Variants in SLMAP observed in about 807,000 individuals in gnomAD.
The protein encoded by SLMAP is sarcolemmal membrane-associated protein.
In SLMAP, 44 loss-of-function variants were observed where a neutral mutation model predicts 128.8. The ratio of observed to expected loss-of-function variants is 0.34; its 90% CI spans 0.27 to 0.44. SLMAP has a LOEUF of 0.44. Ranked by LOEUF, SLMAP falls within the 20% of genes least tolerant of loss-of-function variation. The pLI, the probability that SLMAP is intolerant of heterozygous loss-of-function variation, is 1.00. For synonymous variants in SLMAP, 327 were observed against 348.8 expected, an observed-to-expected ratio of 0.94 and a Z score of 0.70; for missense variants, 787 against 985.3, an observed-to-expected ratio of 0.80 and a Z score of 2.69.
chr3:57,907,584 T>C (rs1324610282), intron 17 of SLMAP, among the ~76,000 whole-genome samples: 1 of 152,220 alleles, frequency 6.6e-6, no homozygotes, highest in Non-Finnish European at 1.5e-5. Context: ...TTTCAAGTCT[T>C]AATAAGCAAT....
At chr3:57,810,342 T>G (rs1364586537) in intron 2 of SLMAP, among the ~76,000 whole-genome samples, 5 of 152,138 alleles carry the variant, frequency 3.3e-5, no homozygotes, top group African/African-American at 1.2e-4. Context: ...GCTGGTAGCA[T>G]GAACCGAGTG....
intron 2 of SLMAP, among the ~76,000 whole-genome samples, chr3:57,769,932 A>C (rs2080486105): frequency 6.6e-6 from 1 of 152,132 alleles, no homozygotes; most frequent in African/African-American, 2.4e-5. Context: ...AGAAATGGTT[A>C]AGATATAGTT....
intron 14 of SLMAP, among the ~76,000 whole-genome samples, chr3:57,877,661 C>T (rs2095634036): frequency 6.6e-6 from 1 of 151,824 alleles, no homozygotes; most frequent in Admixed American, 6.6e-5. Context: ...AACATATCTA[C>T]CAGATTTTCT....
chr3:57,843,720 C>T (rs199852959), intron 4 of SLMAP, among the ~76,000 whole-genome samples: 16 of 129,784 alleles, frequency 1.2e-4, no homozygotes, highest in African/African-American at 2.6e-4. Context: ...TTCTTTCTTT[C>T]TTTTTCTTTC....
chr3:57,892,802 A>G (rs549530335), intron 15 of SLMAP, among the ~76,000 whole-genome samples: 84 of 146,786 alleles, frequency 5.7e-4, no homozygotes, highest in Middle Eastern at 7.1e-3. Flanking sequence ...ACACACACAC[A>G]CACACACATA....
intron 2 of SLMAP, among the ~76,000 whole-genome samples, chr3:57,828,966 A>G (rs2093133633): frequency 6.6e-6 from 1 of 151,936 alleles, no homozygotes; most frequent in South Asian, 2.1e-4. Flanking sequence ...ATTTTTTTGT[A>G]GGGATGGGGT....
At chr3:57,843,756 CTCTT>C (rs1400672396) in intron 4 of SLMAP, among the ~76,000 whole-genome samples, 48 of 138,728 alleles carry the variant, frequency 3.5e-4, no homozygotes, top group Non-Finnish European at 6.2e-4. Flanking sequence ...CCCTTTCTCT[CTCTT>C]TCTTTCTTTT....
At chr3:57,843,094 G>A (rs1454637644) in intron 4 of SLMAP, among the ~76,000 whole-genome samples, 2 of 152,070 alleles carry the variant, frequency 1.3e-5, no homozygotes, top group Non-Finnish European at 2.9e-5. Flanking sequence ...TTCTATTACT[G>A]TAAACTAATT....
At chr3:57,795,693 A>G (rs1230598146) in intron 2 of SLMAP, among the ~76,000 whole-genome samples, 1 of 152,182 alleles carries the variant, frequency 6.6e-6, no homozygotes, top group Non-Finnish European at 1.5e-5. Flanking sequence ...CATAAAATGT[A>G]CCATTTGTAC....
At chr3:57,919,378 T>A (rs1481662787) in intron 22 of SLMAP, among the ~76,000 whole-genome samples, 2 of 145,084 alleles carry the variant, frequency 1.4e-5, no homozygotes, top group Non-Finnish European at 3.0e-5. Context: ...CAAAACTCCA[T>A]CTCAGAAAAA....
chr3:57,806,424 G>T (rs963826639), intron 2 of SLMAP, among the ~76,000 whole-genome samples: 4 of 151,886 alleles, frequency 2.6e-5, no homozygotes, highest in Non-Finnish European at 5.9e-5. Context: ...TGGTGTTTAT[G>T]TACCACATTT....
chr3:57,778,589 T>TTTTA (rs2082380736), intron 2 of SLMAP, among the ~76,000 whole-genome samples: 1 of 148,300 alleles, frequency 6.7e-6, no homozygotes, highest in Admixed American at 6.8e-5. Context: ...TTTTTTTTTT[T>TTTTA]GAGACCAGGC....
chr3:57,786,585 C>T (rs1051964361), intron 2 of SLMAP, among the ~76,000 whole-genome samples: 1 of 142,182 alleles, frequency 7.0e-6, no homozygotes, highest in Non-Finnish European at 1.5e-5. Flanking sequence ...AAGACAGAGT[C>T]TCACTCTGTT....
intron 6 of SLMAP, among the ~76,000 whole-genome samples, chr3:57,855,714 AAAAAAAAAAAAC>A (rs1248948404): frequency 2.0e-3 from 295 of 149,476 alleles, no homozygotes; most frequent in African/African-American, 6.7e-3. Flanking sequence ...CATCTGTTAA[AAAAAAAAAAAAC>A]AAAAAAAAAA....
At chr3:57,915,771 G>A (rs1017805064) in intron 21 of SLMAP, among the ~76,000 whole-genome samples, 4 of 152,116 alleles carry the variant, frequency 2.6e-5, no homozygotes, top group Admixed American at 6.6e-5. Flanking sequence ...TCTGGGCTAC[G>A]GAAGAAGGAA....
intron 21 of SLMAP, among the ~76,000 whole-genome samples, chr3:57,915,939 C>G (rs1409229315): frequency 6.6e-6 from 1 of 152,020 alleles, no homozygotes; most frequent in Admixed American, 6.6e-5. Context: ...GGCAGATCAC[C>G]TGAGGTCAGA....
intron 2 of SLMAP, among the ~76,000 whole-genome samples, chr3:57,788,226 G>C (rs937104339): frequency 7.2e-5 from 11 of 152,222 alleles, no homozygotes; most frequent in African/African-American, 2.7e-4. Context: ...TTTGGACCAA[G>C]TCTTGAAGGA....
intron 2 of SLMAP, among the ~76,000 whole-genome samples, chr3:57,791,649 T>C (rs566250081): frequency 6.6e-6 from 1 of 152,146 alleles, no homozygotes; most frequent in Non-Finnish European, 1.5e-5. Context: ...AACTATCAAA[T>C]AAATTTCTAT....
At chr3:57,869,662 T>TATATATA (rs1560338707) in intron 13 of SLMAP, among the ~76,000 whole-genome samples, 140 of 113,324 alleles carry the variant, frequency 1.2e-3, no homozygotes, top group African/African-American at 4.3e-3. Flanking sequence ...ATATATATAA[T>TATATATA]ATATATAAAC....
Sources: allele counts gnomAD v4.1 joint callset (sites outside exome capture counted in the v4.1 genomes callset), GRCh38; gene constraint gnomAD v4.1.1; transcripts MANE v1.5; gene names NCBI Gene and HGNC (gene_info 2026-07-23, HGNC 2026-07-21).